Variants in PDSS2 observed in about 807,000 individuals in gnomAD.
PDSS2 encodes the protein decaprenyl diphosphate synthase subunit 2.
A neutral mutation model predicts 44.5 loss-of-function variants in PDSS2; 31 were observed. The observed-to-expected ratio is 0.70, with a 90% CI of 0.52 to 0.94. The LOEUF is 0.94. Ranked by LOEUF, PDSS2 falls within the 40% of genes least tolerant of loss-of-function variation. The pLI, the probability that PDSS2 is intolerant of heterozygous loss-of-function variation, is 0.00. For synonymous variants in PDSS2, 157 were observed against 180.3 expected, an observed-to-expected ratio of 0.87 and a Z score of 1.03; for missense variants, 452 against 482.2, an observed-to-expected ratio of 0.94 and a Z score of 0.59.
intron 1 of PDSS2, among the ~76,000 whole-genome samples, chr6:107,453,264 C>G (rs1010068929): frequency 3.9e-5 from 6 of 151,984 alleles, no homozygotes; most frequent in African/African-American, 1.5e-4. Context: ...TGCACCCGGC[C>G]GTGATATTAT....
rs968030173 is a variant in PDSS2 at position 107,334,728 on chromosome 6, C to T, written c.297-396G>A. 3.6e-5 allele frequency among the ~76,000 whole-genome samples: 5 copies of T among 138,008 alleles called. No individual in the cohort carries two copies. The South Asian group carries it at 9.5e-4, about 26-fold the overall frequency. The allele number at this position is 138,008 out of a possible 152,430, so 90.5% of individuals were successfully genotyped here. ...GCTAATTAAAAAAAAAAAAAAAAAACGTAGAGTCAGAGTCTTGCTATGTTG... is the reference window on the plus strand; with the variant it reads ...GCTAATTAAAAAAAAAAAAAAAAAATGTAGAGTCAGAGTCTTGCTATGTTG... On this transcript the variant is annotated intron_variant, in intron 1 of 7. Coordinates refer to ENST00000369037, the MANE Select transcript of PDSS2 (RefSeq NM_020381.4).
At position 107,419,375 on chromosome 6, in the gene PDSS2, T is replaced by C. The variant is rs148245920; in HGVS notation, c.296+39615A>G. 4.9e-3 allele frequency among the ~76,000 whole-genome samples: 744 copies of C among 152,342 alleles called. 6 individuals are homozygous for C. Among genetic ancestry groups the C allele is most frequent in the African/African-American group, 0.017 (715 of 41,570 alleles). On this transcript the variant is annotated intron_variant, in intron 1 of 7. Transcript: ENST00000369037. ...GAAAAAATAAAACTCTTTATTCTAC[T>C]TCTTCAATGTTTTTTATTTGTGGCA...
chr6:107,232,093 A>ATAGG, intron 4 of PDSS2, among the ~76,000 whole-genome samples: 1 of 152,184 alleles, frequency 6.6e-6, no homozygotes, highest in African/African-American at 2.4e-5. Flanking sequence ...CTAGCACGTA[A>ATAGG]TAGGTACTCA....
At chr6:107,430,741 G>A (rs547456709) in intron 1 of PDSS2, among the ~76,000 whole-genome samples, 14 of 149,134 alleles carry the variant, frequency 9.4e-5, no homozygotes, top group South Asian at 4.3e-4. Flanking sequence ...CCTGGGAGGC[G>A]GAGGTTGCGG....
At chr6:107,335,312 C>T (rs895104625) in intron 1 of PDSS2, among the ~76,000 whole-genome samples, 5 of 152,002 alleles carry the variant, frequency 3.3e-5, no homozygotes, top group African/African-American at 1.2e-4. Context: ...AGTTTTAAAC[C>T]GGTTTGTGAC....
In PDSS2 at chr6:107,319,007, T is replaced by C. The variant is rs57105888; in HGVS notation, c.431+15191A>G. Among the ~76,000 whole-genome samples the C allele has an allele frequency of 0.015, 2,276 of 147,492 alleles. 116 individuals carry two copies. The East Asian group carries it at 0.19, about 12-fold the overall frequency. ...TGTTAAAAAAGAAAATATATATATA[T>C]ACACACACACACACACACATACACA... On this transcript the variant is annotated intron_variant, in intron 2 of 7. Transcript: ENST00000369037.
At chr6:107,166,361 G>GTTTTT (rs34385593) in intron 7 of PDSS2, among the ~76,000 whole-genome samples, 4 of 100,942 alleles carry the variant, frequency 4.0e-5, no homozygotes, top group African/African-American at 1.2e-4. Flanking sequence ...TTTATTGAGA[G>GTTTTT]TTTTTTTTTT....
At chr6:107,304,098 T>G (rs1776781106) in intron 2 of PDSS2, among the ~76,000 whole-genome samples, 1 of 152,204 alleles carries the variant, frequency 6.6e-6, no homozygotes, top group Non-Finnish European at 1.5e-5. Flanking sequence ...ACCCTGATAA[T>G]GATTCCCTTT....
At chr6:107,406,917 T>C (rs1200604990) in intron 1 of PDSS2, among the ~76,000 whole-genome samples, 1 of 152,184 alleles carries the variant, frequency 6.6e-6, no homozygotes, top group African/African-American at 2.4e-5. Flanking sequence ...TGACATGCAA[T>C]CTCCAGGGGA....
chr6:107,239,096 G>A (rs1393676157), intron 4 of PDSS2, among the ~76,000 whole-genome samples: 1 of 151,990 alleles, frequency 6.6e-6, no homozygotes, highest in East Asian at 1.9e-4. Flanking sequence ...GGCCAACATG[G>A]TGAAACCCCA....
At chr6:107,367,700 C>T (rs1333327729) in intron 1 of PDSS2, among the ~76,000 whole-genome samples, 2 of 150,804 alleles carry the variant, frequency 1.3e-5, no homozygotes, top group Non-Finnish European at 2.9e-5. Flanking sequence ...GCAGAAGAAT[C>T]GCTTGAACCC....
intron 4 of PDSS2, among the ~76,000 whole-genome samples, chr6:107,217,043 G>T (rs10457162): frequency 0.14 from 21,362 of 152,034 alleles, 1,665 homozygotes; most frequent in East Asian, 0.27. Context: ...GCTGCATTTC[G>T]TACTATTTAC....
In PDSS2 at chr6:107,346,463, A is replaced by T. The variant is rs573686392; in HGVS notation, c.297-12131T>A. Among the ~76,000 whole-genome samples, 75 of 152,348 alleles carry T rather than the reference A, an allele frequency of 4.9e-4. 1 individual carries two copies. The highest frequency in any genetic ancestry group is 9.1e-4 in the Non-Finnish European group (62 of 68,036). Reference sequence around the variant, plus strand: ...ATTATTTGATATACTACATATTTATAGCACATCATTTATTTTGATTATTCT... The same window carrying T: ...ATTATTTGATATACTACATATTTATTGCACATCATTTATTTTGATTATTCT... On this transcript the variant is annotated intron_variant, in intron 1 of 7. Coordinates refer to ENST00000369037, the MANE Select transcript of PDSS2 (RefSeq NM_020381.4).
rs866058256 is a variant in PDSS2 at position 107,302,387 on chromosome 6, C to T, written c.432-28160G>A. Among the ~76,000 whole-genome samples, 6 of 152,098 alleles carry T rather than the reference C, an allele frequency of 3.9e-5. No homozygotes were observed. The Middle Eastern group carries it at 0.01, about 259-fold the overall frequency. ...TTCCTGGGCTCAAAGGATCCTCCCACCTCAGCCTCCTGAATAGCTGGGACC... is the reference window on the plus strand; with the variant it reads ...TTCCTGGGCTCAAAGGATCCTCCCATCTCAGCCTCCTGAATAGCTGGGACC... On this transcript the variant is annotated intron_variant, in intron 2 of 7. Coordinates refer to ENST00000369037, the MANE Select transcript of PDSS2 (RefSeq NM_020381.4).
At position 107,157,246 on chromosome 6, in the gene PDSS2, G is replaced by A. The variant is rs190577299; in HGVS notation, c.1042-2469C>T. Among the ~76,000 whole-genome samples, 15 of 152,100 alleles carry A rather than the reference G, an allele frequency of 9.9e-5. No homozygotes were observed. In the East Asian group the frequency reaches 2.5e-3, roughly 25 times the overall value. ...GTCACCCAGGCTGGAGCGCAGTGGTGTGATCTTGGCTCACTGCAACTTCCA... is the reference window on the plus strand; with the variant it reads ...GTCACCCAGGCTGGAGCGCAGTGGTATGATCTTGGCTCACTGCAACTTCCA... On this transcript the variant is annotated intron_variant, in intron 7 of 7. Transcript: ENST00000369037.
At chr6:107,442,792 C>A (rs9486619) in intron 1 of PDSS2, among the ~76,000 whole-genome samples, 1 of 152,138 alleles carries the variant, frequency 6.6e-6, no homozygotes, top group Non-Finnish European at 1.5e-5. Flanking sequence ...ACCAACCTCA[C>A]TTCACAAATG....
At chr6:107,321,422 A>T (rs2115173032) in intron 2 of PDSS2, among the ~76,000 whole-genome samples, 1 of 151,850 alleles carries the variant, frequency 6.6e-6, no homozygotes, top group African/African-American at 2.4e-5. Flanking sequence ...TTTACAAAAC[A>T]GTCATTACAA....
At chr6:107,168,866 C>T (rs1186036678) in intron 7 of PDSS2, among the ~76,000 whole-genome samples, 1 of 152,128 alleles carries the variant, frequency 6.6e-6, no homozygotes, top group Non-Finnish European at 1.5e-5. Flanking sequence ...TGATGGGCTT[C>T]CCTTTGTGGG....
chr6:107,204,275 C>A (rs1447597205), intron 6 of PDSS2, among the ~76,000 whole-genome samples: 1 of 152,138 alleles, frequency 6.6e-6, no homozygotes, highest in Non-Finnish European at 1.5e-5. Flanking sequence ...ATACATGTTG[C>A]AGCATGTATC....
Sources: allele counts gnomAD v4.1 joint callset (sites outside exome capture counted in the v4.1 genomes callset), GRCh38; gene constraint gnomAD v4.1.1; transcripts MANE v1.5; gene names NCBI Gene and HGNC (gene_info 2026-07-23, HGNC 2026-07-21).